NTRK2: variants seen among roughly 807,000 people sequenced by gnomAD.
NTRK2 encodes BDNF/NT-3 growth factors receptor.
In NTRK2, 13 loss-of-function variants were observed where a neutral mutation model predicts 94.5. That is an observed-to-expected ratio of 0.14 (90% CI 0.09 to 0.22). NTRK2 has a LOEUF of 0.22. NTRK2 is among the 10% of genes least tolerant of loss of function. The pLI, the probability that NTRK2 is intolerant of heterozygous loss-of-function variation, is 1.00. For missense variants in NTRK2, 639 were observed against 1,071.2 expected (o/e 0.60, Z 5.63); for synonymous variants, 372 against 407.4 (o/e 0.91, Z 1.05).
intron 14 of NTRK2, among the ~76,000 whole-genome samples, chr9:84,908,588 T>A (rs1163057445): frequency 6.6e-6 from 1 of 152,220 alleles, no homozygotes; most frequent in Non-Finnish European, 1.5e-5. Flanking sequence ...ACTCAATGCA[T>A]GGCTGATAAA....
At chr9:84,942,439 A>G (rs1564486436) in intron 15 of NTRK2, among the ~76,000 whole-genome samples, 1 of 152,200 alleles carries the variant, frequency 6.6e-6, no homozygotes, top group South Asian at 2.1e-4. Context: ...AAGTGTGTCT[A>G]CCTTAATTCT....
chr9:84,888,149 T>C (rs764563084), intron 14 of NTRK2, among the ~76,000 whole-genome samples: 1 of 152,054 alleles, frequency 6.6e-6, no homozygotes, highest in Admixed American at 6.5e-5. Context: ...GGTTCTTGGG[T>C]TCAGATGTTA....
intron 12 of NTRK2, among the ~76,000 whole-genome samples, chr9:84,765,281 A>T (rs976834592): frequency 6.6e-6 from 1 of 152,212 alleles, no homozygotes; most frequent in Non-Finnish European, 1.5e-5. Context: ...CTTATTTCAC[A>T]TTGCATGCCT....
chr9:84,825,773 C>T lies in NTRK2; in HGVS notation c.1397-35267C>T, dbSNP rs550591004. On this transcript the variant is annotated intron_variant, in intron 12 of 18. Coordinates refer to ENST00000277120, the MANE Select transcript of NTRK2 (RefSeq NM_006180.6). ...TTAATAATTGTGCCATAGTGTTCAT[C>T]TGGTGAGAGGAGCTTGGGTCTGCTG... Among the ~76,000 whole-genome samples the T allele has an allele frequency of 8.5e-5, 13 of 152,332 alleles. No individual in the cohort carries two copies. In the South Asian group the frequency reaches 2.7e-3, roughly 32 times the overall value.
chr9:84,786,734 C>T (rs748987724), intron 12 of NTRK2, among the ~76,000 whole-genome samples: 2 of 152,110 alleles, frequency 1.3e-5, no homozygotes, highest in East Asian at 1.9e-4. Flanking sequence ...ATGGACTTAC[C>T]GCTCCCAGTG....
chr9:84,764,543 G>GA (rs1210993715), intron 12 of NTRK2, among the ~76,000 whole-genome samples: 2 of 151,960 alleles, frequency 1.3e-5, no homozygotes, highest in Non-Finnish European at 2.9e-5. Context: ...TAGGATTATA[G>GA]AAAAAAAGTT....
chr9:84,933,522 A>G (rs2078111050), intron 14 of NTRK2, among the ~76,000 whole-genome samples: 1 of 152,182 alleles, frequency 6.6e-6, no homozygotes, highest in Non-Finnish European at 1.5e-5. Context: ...GAGAGCCAAG[A>G]CTGAGCCATG....
intron 17 of NTRK2, among the ~76,000 whole-genome samples, chr9:84,984,780 C>G (rs907698065): frequency 6.6e-6 from 1 of 152,206 alleles, no homozygotes. Context: ...GCCGTAGGTT[C>G]GTGTCTTATC....
intron 12 of NTRK2, among the ~76,000 whole-genome samples, chr9:84,802,148 T>C (rs889233662): frequency 6.6e-6 from 1 of 152,242 alleles, no homozygotes; most frequent in African/African-American, 2.4e-5. Context: ...ACATTAAATT[T>C]TTATTTTAAA....
chr9:84,775,681 G>A (rs1449892562), intron 12 of NTRK2, among the ~76,000 whole-genome samples: 1 of 152,062 alleles, frequency 6.6e-6, no homozygotes, highest in African/African-American at 2.4e-5. Context: ...GGTTGTTATG[G>A]ATATTTTTAT....
chr9:84,848,071 G>C (rs1015534310), intron 12 of NTRK2, among the ~76,000 whole-genome samples: 1 of 96,650 alleles, frequency 1.0e-5, no homozygotes, highest in East Asian at 2.6e-4. Context: ...GGCTCCAGTA[G>C]AGAGGGGCAG....
At chr9:84,981,836 A>G (rs1827666159) in intron 17 of NTRK2, among the ~76,000 whole-genome samples, 1 of 152,220 alleles carries the variant, frequency 6.6e-6, no homozygotes, top group Non-Finnish European at 1.5e-5. Flanking sequence ...TTTATTGATT[A>G]TTTGGAAGGT....
rs146466066 is a variant in NTRK2, at chr9:84,684,396, T to G, written c.212+13436T>G. On this transcript the variant is annotated intron_variant, in intron 2 of 18. Transcript: ENST00000277120. ...TAAGATGTAAGGAAGGAGTCCAGTT[T>G]CAATTTTCTGCATATGGCTAGCCAG... Among the ~76,000 whole-genome samples the G allele has an allele frequency of 5.4e-3, 824 of 152,344 alleles. 9 individuals carry two copies. Among genetic ancestry groups the G allele is most frequent in the African/African-American group, 0.019 (787 of 41,570 alleles).
chr9:84,812,918 T>C (rs201422759), intron 12 of NTRK2: 173 of 1,033,026 alleles, frequency 1.7e-4, no homozygotes, highest in Non-Finnish European at 1.9e-4. Context: ...CAGCAGGCTA[T>C]TAGAAAATTA....
intron 14 of NTRK2, among the ~76,000 whole-genome samples, chr9:84,867,654 A>G (rs2075656277): frequency 1.3e-5 from 2 of 151,972 alleles, no homozygotes; most frequent in Admixed American, 6.6e-5. Flanking sequence ...GCAGATACTG[A>G]CTCTCTTGGG....
chr9:84,989,110 C>T (rs1463565114), intron 17 of NTRK2, among the ~76,000 whole-genome samples: 1 of 152,198 alleles, frequency 6.6e-6, no homozygotes, highest in African/African-American at 2.4e-5. Flanking sequence ...AATCACCAAA[C>T]CTCAAGAAAA....
chr9:84,824,724 C>T (rs980642858), intron 12 of NTRK2, among the ~76,000 whole-genome samples: 2 of 152,208 alleles, frequency 1.3e-5, no homozygotes, highest in Non-Finnish European at 2.9e-5. Flanking sequence ...CTATGAGACA[C>T]ACTTGTCCGC....
intron 1 of NTRK2, 68 bp from the exon 2 acceptor site, chr9:84,670,309 G>A (rs2058621286): frequency 6.9e-6 from 2 of 288,182 alleles, no homozygotes; most frequent in Non-Finnish European, 1.3e-5. Flanking sequence ...GAGCAGAGAG[G>A]GAGAGTGCCC....
rs776943818 is a variant in NTRK2, at chr9:84,788,817, AG to A, written c.1396+36735del. ...TTGCGAGCTACCTTGAGTTTGGTGC[AG>A]GGTTCCACTCCTCCCAGACCAGGTG... On this transcript the variant is annotated intron_variant, in intron 12 of 18. Coordinates refer to ENST00000277120, the MANE Select transcript of NTRK2 (RefSeq NM_006180.6). Among the ~76,000 whole-genome samples the A allele has an allele frequency of 3.0e-4, 46 of 152,098 alleles. 1 individual carries two copies. Among genetic ancestry groups the A allele is most frequent in the Admixed American group, 5.2e-4 (8 of 15,272 alleles).
Sources: gnomAD v4.1 joint callset for allele counts (sites outside exome capture counted in the v4.1 genomes callset) on GRCh38, gnomAD v4.1.1 for gene constraint, MANE v1.5 for transcripts, NCBI Gene and HGNC (gene_info 2026-07-23, HGNC 2026-07-21) for gene names.